SVOP: variants seen among roughly 807,000 people sequenced by gnomAD.
SVOP encodes SV2 related protein, also known as synaptic vesicle 2-related protein.
In SVOP, 17 loss-of-function variants were observed where a neutral mutation model predicts 69.1. The observed-to-expected ratio is 0.25, with a 90% CI of 0.17 to 0.37. SVOP has a LOEUF of 0.37. Among genes scored for constraint, SVOP ranks in the 10% least tolerant of loss-of-function variants. The pLI is 1.00. For synonymous variants in SVOP, 238 were observed against 238.6 expected (o/e 1.00, Z 0.02); for missense variants, 435 against 597.5 (o/e 0.73, Z 2.84).
At chr12:108,948,088 C>G (rs148206691) in intron 6 of SVOP, among the ~76,000 whole-genome samples, 2 of 151,974 alleles carry the variant, frequency 1.3e-5, no homozygotes, top group East Asian at 3.9e-4. Context: ...CTGGCATGTA[C>G]GTGTATAAAA....
intron 2 of SVOP, among the ~76,000 whole-genome samples, chr12:108,979,560 T>C (rs1352192416): frequency 2.6e-5 from 4 of 152,158 alleles, no homozygotes; most frequent in Admixed American, 6.5e-5. Context: ...TTTTGAAAGG[T>C]ACAATTCCAT....
At chr12:108,976,315 A>G (rs543163429) in intron 4 of SVOP, among the ~76,000 whole-genome samples, 2 of 152,238 alleles carry the variant, frequency 1.3e-5, no homozygotes, top group South Asian at 4.1e-4. Flanking sequence ...CCATTCCAGA[A>G]CAGTTATCTA....
intron 1 of SVOP, among the ~76,000 whole-genome samples, chr12:108,995,449 C>T (rs1187188212): frequency 6.6e-6 from 1 of 152,174 alleles, no homozygotes; most frequent in East Asian, 1.9e-4. Flanking sequence ...ACCTAGAACA[C>T]TTACATTCAC....
chr12:108,952,005 G>A (rs1437383991), intron 6 of SVOP, among the ~76,000 whole-genome samples: 1 of 152,056 alleles, frequency 6.6e-6, no homozygotes, highest in African/African-American at 2.4e-5. Flanking sequence ...GCTTCTTCTT[G>A]CTGCCTTTGA....
intron 1 of SVOP, among the ~76,000 whole-genome samples, chr12:109,011,048 G>T (rs1435919344): frequency 1.3e-5 from 2 of 152,134 alleles, no homozygotes; most frequent in Non-Finnish European, 2.9e-5. Flanking sequence ...CCAAGTAGCT[G>T]GGATTACAGG....
At chr12:108,928,093 T>A (rs927327265) in intron 11 of SVOP, among the ~76,000 whole-genome samples, 3 of 151,262 alleles carry the variant, frequency 2.0e-5, no homozygotes, top group Admixed American at 2.0e-4. Flanking sequence ...TTAGTAGAGA[T>A]GAGTTTCACC....
In SVOP at chr12:108,935,374, T is replaced by C. The variant is rs556042725; in HGVS notation, c.972-1103A>G. ...TTAGGTTTCAATGTGTGCAAGCAAATGTAGTGGCTTTCATAATGCACTAAA... is the reference window on the plus strand; with the variant it reads ...TTAGGTTTCAATGTGTGCAAGCAAACGTAGTGGCTTTCATAATGCACTAAA... On this transcript the variant is annotated intron_variant, in intron 10 of 15. Transcript: ENST00000610966. 3.9e-5 allele frequency among the ~76,000 whole-genome samples: 6 copies of C among 152,294 alleles called. No individual in the cohort carries two copies. The East Asian group carries it at 1.2e-3, about 29-fold the overall frequency.
At chr12:108,961,221 A>G (rs2040016340) in intron 5 of SVOP, among the ~76,000 whole-genome samples, 174 bp from the exon 6 acceptor site, 1 of 152,016 alleles carries the variant, frequency 6.6e-6, no homozygotes. Flanking sequence ...GGGTGAGAAA[A>G]TCATGGGGCA....
chr12:109,020,089 GA>G (rs2040388240), intron 1 of SVOP, among the ~76,000 whole-genome samples: 1 of 152,078 alleles, frequency 6.6e-6, no homozygotes, highest in African/African-American at 2.4e-5. Context: ...CTTGTGGTAG[GA>G]AAAATCTGTA....
chr12:108,996,306 C>T (rs2040231840), intron 1 of SVOP, among the ~76,000 whole-genome samples: 1 of 152,092 alleles, frequency 6.6e-6, no homozygotes, highest in East Asian at 1.9e-4. Context: ...GCCTGTAGTC[C>T]CCACACTTTG....
intron 3 of SVOP, among the ~76,000 whole-genome samples, chr12:108,978,191 T>C (rs1306989468): frequency 6.6e-6 from 1 of 152,202 alleles, no homozygotes. Flanking sequence ...TTGGCTGTAC[T>C]CTTTGCCATA....
chr12:109,017,627 G>A lies in SVOP; in HGVS notation c.35+3207C>T, dbSNP rs186436219. On this transcript the variant is annotated intron_variant, in intron 1 of 15. Transcript: ENST00000610966. ...TGCAGTGGCACAATCTTTGCTCACC[G>A]CAACCTCTGCCTCCCAGGTTCAAGA... 2.5e-4 allele frequency among the ~76,000 whole-genome samples: 38 copies of A among 152,078 alleles called. 1 individual carries two copies. The highest frequency in any genetic ancestry group is 4.6e-4 in the Admixed American group (7 of 15,258).
chr12:109,006,486 T>C (rs767789306), intron 1 of SVOP, among the ~76,000 whole-genome samples: 29 of 152,076 alleles, frequency 1.9e-4, no homozygotes, highest in Non-Finnish European at 3.7e-4. Context: ...ATGCCACACT[T>C]TAAGGGGCAC....
At chr12:108,939,041 G>A (rs2039873388) in intron 8 of SVOP, 86 bp from the exon 9 acceptor site, 1 of 1,583,988 alleles carries the variant, frequency 6.3e-7, no homozygotes, top group Non-Finnish European at 8.6e-7. Context: ...GTTGCATGTG[G>A]GGTCTTTAAG....
At chr12:108,937,216 G>A in intron 10 of SVOP, 48 bp downstream of exon 10, 2 of 1,596,652 alleles carry the variant, frequency 1.3e-6, no homozygotes, top group South Asian at 2.2e-5. Context: ...CCCAAAACAG[G>A]GCACAGGGAG....
chr12:108,929,545 G>A lies in SVOP; in HGVS notation c.1048+4650C>T, dbSNP rs544930794. Among the ~76,000 whole-genome samples, 3 of 152,246 alleles carry A rather than the reference G, an allele frequency of 2.0e-5. No individual in the cohort carries two copies. The South Asian group carries it at 6.2e-4, about 32-fold the overall frequency. ...GCTGGTCTTGAACTCCTGAGCATAAGCAATCCTCCCACTTTTGCCTCCCAA... is the reference window on the plus strand; with the variant it reads ...GCTGGTCTTGAACTCCTGAGCATAAACAATCCTCCCACTTTTGCCTCCCAA... On this transcript the variant is annotated intron_variant, in intron 11 of 15. Coordinates refer to ENST00000610966, the MANE Select transcript of SVOP (RefSeq NM_018711.5).
chr12:109,020,755 C>CCG (rs937443116), intron 1 of SVOP, 79 bp downstream of exon 1: 10 of 174,540 alleles, frequency 5.7e-5, no homozygotes, highest in East Asian at 5.3e-4. Flanking sequence ...CAGAGATGTA[C>CCG]CCCCCCCCAC....
intron 1 of SVOP, among the ~76,000 whole-genome samples, chr12:109,007,641 T>C (rs748473886): frequency 1.7e-4 from 26 of 152,212 alleles, no homozygotes; most frequent in Non-Finnish European, 3.1e-4. Context: ...GGAGTAATGA[T>C]ATTTAATATT....
intron 1 of SVOP, 82 bp downstream of exon 1, chr12:109,020,752 G>GT (rs2040392081): frequency 2.7e-6 from 1 of 374,642 alleles, no homozygotes; most frequent in South Asian, 2.3e-5. Flanking sequence ...ATGCAGAGAT[G>GT]TACCCCCCCC....
Sources: allele counts gnomAD v4.1 joint callset (sites outside exome capture counted in the v4.1 genomes callset), GRCh38; gene constraint gnomAD v4.1.1; transcripts MANE v1.5; gene names NCBI Gene and HGNC (gene_info 2026-07-23, HGNC 2026-07-21).